Variants in FGD6 observed in about 807,000 individuals in gnomAD.
FGD6 encodes FYVE, RhoGEF and PH domain-containing protein 6.
A neutral mutation model predicts 149.4 loss-of-function variants in FGD6; 90 were observed. The ratio of observed to expected loss-of-function variants is 0.60; its 90% CI spans 0.51 to 0.72. The LOEUF (loss-of-function observed/expected upper bound fraction) is 0.72, where lower values mean the gene tolerates loss of function less well. Ranked by LOEUF, FGD6 falls within the 30% of genes least tolerant of loss-of-function variation. The pLI is 0.00. For missense variants in FGD6, 1,437 were observed against 1,684.8 expected (o/e 0.85, Z 2.57); for synonymous variants, 527 against 584.0 (o/e 0.90, Z 1.41).
intron 8 of FGD6, chr12:95,116,920 G>A (rs1453139306): frequency 4.4e-6 from 2 of 455,930 alleles, no homozygotes; most frequent in Middle Eastern, 3.3e-4. Context: ...GAATGTGACT[G>A]ATCACCCTGA....
chr12:95,145,071 C>A lies in FGD6; in HGVS notation c.2686-3532G>T, dbSNP rs371188185. Reference sequence around the variant, plus strand: ...TGGTGCGATCTCAGCTCACTGCAACCTCCGACTCCCAGGTTCAAGCCATTC... The same window carrying A: ...TGGTGCGATCTCAGCTCACTGCAACATCCGACTCCCAGGTTCAAGCCATTC... On this transcript the variant is annotated intron_variant, in intron 5 of 20. Transcript: ENST00000343958. Among the ~76,000 whole-genome samples, 20 of 147,192 alleles carry A rather than the reference C, an allele frequency of 1.4e-4. No homozygotes were observed. The East Asian group carries it at 1.6e-3, about 12-fold the overall frequency.
Position 95,077,886 on chromosome 12 carries a change from A to C in FGD6, c.*3634T>G, listed in dbSNP as rs1877546280. The C allele has an allele frequency of 6.6e-6, 1 of 152,254 alleles. No individual in the cohort carries two copies. The highest frequency in any genetic ancestry group is 1.5e-5 in the Non-Finnish European group (1 of 68,058). 9.4% of individuals were successfully genotyped at this position (152,254 alleles called of 1,614,324 possible). On this transcript the variant is annotated 3_prime_UTR_variant, in exon 21 of 21. Transcript: ENST00000343958. ...TAAAGTCTGAGATGCTTGAGGACTC[A>C]TATAGATAGCCAATAGGTAGTTACA...
intron 8 of FGD6, chr12:95,126,067 A>G: frequency 1.7e-6 from 2 of 1,204,078 alleles, no homozygotes; most frequent in Non-Finnish European, 1.2e-6. Context: ...AGGAAAGCCA[A>G]GATGACAGAT....
At chr12:95,201,471 C>A (rs538984347) in intron 2 of FGD6, among the ~76,000 whole-genome samples, 25 of 152,064 alleles carry the variant, frequency 1.6e-4, no homozygotes, top group African/African-American at 6.0e-4. Flanking sequence ...TTCTTGTGGG[C>A]GGGCTGGGAA....
At position 95,137,507 on chromosome 12, in the gene FGD6, G is replaced by T; in HGVS notation, c.2994+15C>A. The T allele has an allele frequency of 4.5e-6, 7 of 1,549,168 alleles. No homozygotes were observed. The highest frequency in any genetic ancestry group is 5.2e-6 in the Non-Finnish European group (6 of 1,147,914). On this transcript the variant is annotated intron_variant, in intron 7 of 20. Coordinates refer to ENST00000343958, the MANE Select transcript of FGD6 (RefSeq NM_018351.4). ...AAAGAAAGAGAAGTGTTCAACATTA[G>T]ATAGTAGCAAATACCTCAAATTCTC...
At chr12:95,193,628 A>G (rs542920781) in intron 2 of FGD6, among the ~76,000 whole-genome samples, 16 of 151,012 alleles carry the variant, frequency 1.1e-4, no homozygotes, top group Non-Finnish European at 2.1e-4. Flanking sequence ...TCCTGGGTTC[A>G]AGCGATTCTC....
intron 1 of FGD6, among the ~76,000 whole-genome samples, chr12:95,213,528 T>A (rs1335193549): frequency 1.3e-5 from 2 of 152,178 alleles, no homozygotes; most frequent in Admixed American, 6.5e-5. Context: ...GACGGTAAAT[T>A]TATCTTATGT....
intron 2 of FGD6, among the ~76,000 whole-genome samples, chr12:95,199,637 T>C (rs971011755): frequency 1.4e-5 from 2 of 138,340 alleles, no homozygotes; most frequent in Non-Finnish European, 3.1e-5. Flanking sequence ...TTTTTTGAGA[T>C]GGAGTCTTGC....
chr12:95,126,282 G>T lies in FGD6; in HGVS notation c.3082+8457C>A, dbSNP rs113795249. 1,218 of 1,412,564 alleles carry T rather than the reference G, an allele frequency of 8.6e-4. 9 individuals are homozygous for T. The African/African-American group carries it at 0.015, about 18-fold the overall frequency. The allele number at this position is 1,412,564 out of a possible 1,614,324, so 87.5% of individuals were successfully genotyped here. On this transcript the variant is annotated intron_variant, in intron 8 of 20. Coordinates refer to ENST00000343958, the MANE Select transcript of FGD6 (RefSeq NM_018351.4). ...GAAGGCTCCAGCCCAGAAGGTTCCTGCCCAGAAAGCCACAGGCCAGAAGGC... is the reference window on the plus strand; with the variant it reads ...GAAGGCTCCAGCCCAGAAGGTTCCTTCCCAGAAAGCCACAGGCCAGAAGGC...
At chr12:95,120,933 T>G (rs952809810) in intron 8 of FGD6, among the ~76,000 whole-genome samples, 12 of 152,236 alleles carry the variant, frequency 7.9e-5, no homozygotes, top group African/African-American at 2.9e-4. Flanking sequence ...TCTTTTTTTC[T>G]AAGTTATTAT....
chr12:95,141,206 G>A (rs1879832070), intron 6 of FGD6, among the ~76,000 whole-genome samples, 182 bp downstream of exon 6: 1 of 152,178 alleles, frequency 6.6e-6, no homozygotes, highest in South Asian at 2.1e-4. Flanking sequence ...CTGGGCGACA[G>A]AATGAGAATC....
Position 95,128,065 on chromosome 12 carries a change from T to C in FGD6, c.3082+6674A>G, listed in dbSNP as rs142070494. Among the ~76,000 whole-genome samples the C allele has an allele frequency of 2.4e-3, 365 of 152,294 alleles. 2 individuals carry two copies. The highest frequency in any genetic ancestry group is 7.5e-3 in the African/African-American group (311 of 41,560). On this transcript the variant is annotated intron_variant, in intron 8 of 20. Transcript: ENST00000343958. ...ATATGTGATAGCCATCTCTGGATGG[T>C]AGAAGATGAAAAAAGACTTAGTTTT...
intron 17 of FGD6, 69 bp downstream of exon 17, chr12:95,091,638 C>G (rs901592698): frequency 1.9e-6 from 2 of 1,044,714 alleles, no homozygotes; most frequent in Admixed American, 4.2e-5. Context: ...AGGTGTTTCT[C>G]TCAGAAGGTT....
rs1288325150 is a variant in FGD6 at position 95,087,881 on chromosome 12, CT to C, written c.3978+1687del. Among the ~76,000 whole-genome samples, 7 of 151,768 alleles carry C rather than the reference CT, an allele frequency of 4.6e-5. No homozygotes were observed. In the East Asian group the frequency reaches 1.3e-3, roughly 29 times the overall value. On this transcript the variant is annotated intron_variant, in intron 18 of 20. Transcript: ENST00000343958. The stretch of plus-strand genomic sequence containing the variant: ...TTATATAAATACATCCTTATAAAGA[CT>C]ACCAAGTAATTTTTTAAAAAACTAG...
In FGD6 at chr12:95,144,264, C is replaced by T. The variant is rs2136265239; in HGVS notation, c.2686-2725G>A. Among the ~76,000 whole-genome samples the T allele has an allele frequency of 2.0e-5, 3 of 152,182 alleles. No individual in the cohort carries two copies. In the South Asian group the frequency reaches 6.2e-4, roughly 32 times the overall value. On this transcript the variant is annotated intron_variant, in intron 5 of 20. Transcript: ENST00000343958. ...AGGTAGCTCGGAATGGACTGATGGC[C>T]CACAATGTTTTCTTTTAAATTAAAA...
At chr12:95,133,261 T>C (rs1014126468) in intron 8 of FGD6, among the ~76,000 whole-genome samples, 4 of 152,048 alleles carry the variant, frequency 2.6e-5, no homozygotes, top group Non-Finnish European at 5.9e-5. Flanking sequence ...CTACTAAAAA[T>C]ACAAAAATTA....
intron 2 of FGD6, among the ~76,000 whole-genome samples, chr12:95,197,412 A>G (rs1881759744): frequency 6.6e-6 from 1 of 152,108 alleles, no homozygotes; most frequent in African/African-American, 2.4e-5. Context: ...CAGCCTGGGC[A>G]ACAGAGCAAG....
At chr12:95,094,762 T>C in intron 14 of FGD6, 68 bp from the exon 15 acceptor site, 1 of 1,200,330 alleles carries the variant, frequency 8.3e-7, no homozygotes, top group Non-Finnish European at 1.2e-6. Flanking sequence ...CTTCTTTTCT[T>C]TCTCCCATGG....
At chr12:95,186,041 G>C (rs1283310042) in intron 2 of FGD6, among the ~76,000 whole-genome samples, 2 of 151,996 alleles carry the variant, frequency 1.3e-5, no homozygotes, top group Admixed American at 6.6e-5. Flanking sequence ...GGAACTGAAA[G>C]TTGTTCTTGT....
Sources: gnomAD v4.1 joint callset for allele counts (sites outside exome capture counted in the v4.1 genomes callset) on GRCh38, gnomAD v4.1.1 for gene constraint, MANE v1.5 for transcripts, NCBI Gene and HGNC (gene_info 2026-07-23, HGNC 2026-07-21) for gene names.